UBN2: variants seen among roughly 807,000 people sequenced by gnomAD.
The protein encoded by UBN2 is ubinuclein 2.
UBN2 carries 35 observed loss-of-function variants against 120.2 expected under a neutral mutation model. The observed-to-expected ratio is 0.29, with a 90% confidence interval of 0.22 to 0.39. The LOEUF is 0.39. Ranked by LOEUF, UBN2 falls within the 10% of genes least tolerant of loss-of-function variation. The pLI is 1.00. For synonymous variants in UBN2, 661 were observed against 648.7 expected, an observed-to-expected ratio of 1.02 and a Z score of -0.29; for missense variants, 1,693 against 1,663.2, an observed-to-expected ratio of 1.02 and a Z score of -0.31.
At chr7:139,252,628 G>T (rs1320377167) in intron 3 of UBN2, among the ~76,000 whole-genome samples, 1 of 152,144 alleles carries the variant, frequency 6.6e-6, no homozygotes, top group African/African-American at 2.4e-5. Flanking sequence ...ATGGTTTGCT[G>T]ACTCTGTACA....
At position 139,284,183 on chromosome 7, in the gene UBN2, G is replaced by T. The variant is rs1797707509; in HGVS notation, c.3278G>T (p.Ser1093Ile). 1 of 1,614,068 alleles carries T rather than the reference G, an allele frequency of 6.2e-7. No homozygotes were observed. Among genetic ancestry groups the T allele is most frequent in the African/African-American group, 1.3e-5 (1 of 75,006 alleles). ...CCTACTGTATCCCCAAGTAGTTCCA[G>T]TCCAAATGCACTAGTTGCCCAGGGT... ...PKPTVSPSSSSPNALVAQGSH... is the reference protein window; with the variant it reads ...PKPTVSPSSSIPNALVAQGSH... Residue 1093 changes from serine to isoleucine, a missense_variant, in exon 15 of 18, where the codon AGT (serine) becomes ATT (isoleucine). Physicochemically the swap from Ser to Ile is moderately radical, Grantham distance 142. Coordinates refer to ENST00000473989, the MANE Select transcript of UBN2 (RefSeq NM_173569.4).
In UBN2 at chr7:139,231,821, G is replaced by A. The variant is rs1252720345; in HGVS notation, c.337G>A (p.Ala113Thr). 10 of 1,472,676 alleles carry A rather than the reference G, an allele frequency of 6.8e-6. No homozygotes were observed. In the African/African-American group the frequency reaches 1.0e-4, roughly 15 times the overall value. The allele number at this position is 1,472,676 out of a possible 1,614,324, so 91.2% of individuals were successfully genotyped here. Residue 113 changes from alanine (A) to threonine (T), a missense_variant, in exon 1 of 18, where the codon GCT (alanine) becomes ACT (threonine). Around this residue, in one of 5 missense-constraint regions of UBN2, gnomAD observed 663 missense variants for 591.2 expected, o/e 1.12. Transcript: ENST00000473989. ...PLQPPPPRES[A>T]SRAEQPPRPP... The stretch of plus-strand genomic sequence containing the variant: ...GCAGCCGCCCCCGCCGCGGGAGTCG[G>A]CTTCCCGGGCTGAGCAGCCGCCGCG...
intron 1 of UBN2, among the ~76,000 whole-genome samples, chr7:139,234,789 T>C (rs995833485): frequency 5.3e-5 from 8 of 152,244 alleles, no homozygotes; most frequent in African/African-American, 1.7e-4. Flanking sequence ...TGATTAAGTG[T>C]GTTAATGTAA....
At chr7:139,268,114 C>T (rs913720338) in intron 7 of UBN2, among the ~76,000 whole-genome samples, 1 of 152,166 alleles carries the variant, frequency 6.6e-6, no homozygotes, top group Non-Finnish European at 1.5e-5. Flanking sequence ...GTCAAAAGAC[C>T]ATCCTTGGGA....
intron 3 of UBN2, among the ~76,000 whole-genome samples, chr7:139,256,134 T>A (rs1041307024): frequency 2.6e-5 from 4 of 152,172 alleles, no homozygotes; most frequent in Non-Finnish European, 5.9e-5. Flanking sequence ...AAGAGTGTAT[T>A]CCTCTGAAGA....
At chr7:139,286,603 C>T (rs1465501132) in intron 15 of UBN2, among the ~76,000 whole-genome samples, 2 of 151,532 alleles carry the variant, frequency 1.3e-5, no homozygotes, top group Non-Finnish European at 2.9e-5. Flanking sequence ...AGACTTTTTT[C>T]AACAAAATGT....
Position 139,283,944 on chromosome 7 carries a change from T to C in UBN2, c.3039T>C (p.Tyr1013=). ...CTAGCACCACTACCTCCAGTAACTA[T>C]TTAGCCAAGGCTATGGTGTCACAGA... The part of the protein sequence containing the change: ...TVPSTTTSSN[Y]LAKAMVSQIS... The change falls in exon 15 of 18, where the codon TAT becomes TAC. Residue 1013 remains tyrosine (Y), a synonymous_variant. Transcript: ENST00000473989. 3 of 1,614,078 alleles carry C rather than the reference T, an allele frequency of 1.9e-6. No individual in the cohort carries two copies. The highest frequency in any genetic ancestry group is 2.5e-6 in the Non-Finnish European group (3 of 1,180,012).
chr7:139,279,192 G>A, intron 12 of UBN2, 126 bp from the exon 13 acceptor site: 4 of 740,134 alleles, frequency 5.4e-6, no homozygotes, highest in East Asian at 2.6e-5. Flanking sequence ...ACTTAAATAC[G>A]GTTCCTTCAA....
chr7:139,269,645 TAGGA>T, intron 8 of UBN2, 122 bp downstream of exon 8: 12 of 1,050,138 alleles, frequency 1.1e-5, no homozygotes, highest in Admixed American at 3.1e-5. Context: ...TTAATAACCA[TAGGA>T]GGTTATTAAA....
At chr7:139,281,898 G>A in intron 13 of UBN2, 107 bp from the exon 14 acceptor site, 6 of 961,914 alleles carry the variant, frequency 6.2e-6, no homozygotes, top group Non-Finnish European at 9.8e-6. Context: ...ACTTCCAATT[G>A]GTAGTGAGGT....
chr7:139,275,971 T>C, intron 11 of UBN2, 126 bp from the exon 12 acceptor site: 1 of 738,500 alleles, frequency 1.4e-6, no homozygotes, highest in East Asian at 2.8e-5. Flanking sequence ...ACTGTACCAT[T>C]ATAACTTTTA....
At chr7:139,240,856 T>G (rs1796301846) in intron 2 of UBN2, among the ~76,000 whole-genome samples, 1 of 152,230 alleles carries the variant, frequency 6.6e-6, no homozygotes, top group African/African-American at 2.4e-5. Flanking sequence ...AGTACCTATT[T>G]TTACCTAGAT....
rs1244195698 is a variant in UBN2 at position 139,269,475 on chromosome 7, TAAAG to T, written c.1552_1555del (p.Glu518HisfsTer2). 1.2e-6 allele frequency: 2 copies of T among 1,614,004 alleles called. No homozygotes were observed. Among genetic ancestry groups the T allele is most frequent in the Admixed American group, 1.7e-5 (1 of 60,002 alleles). ...ACCTTGAAGCTTTTGTGCCATGCAA[TAAAG>T]AAACACTAGTAAAACGTCTGAAGAA... On this transcript the variant is annotated frameshift_variant, in exon 8 of 18. Transcript: ENST00000473989. LOFTEE classifies it high-confidence loss of function.
At chr7:139,293,597 G>A in intron 16 of UBN2, 134 bp downstream of exon 16, 1 of 768,774 alleles carries the variant, frequency 1.3e-6, no homozygotes. Context: ...TTTAAGAAAT[G>A]CAGTTTATAT....
rs1584982337 is a variant in UBN2, at chr7:139,236,362, A to G, written c.469-643A>G. On this transcript the variant is annotated intron_variant, in intron 1 of 17. Coordinates refer to ENST00000473989, the MANE Select transcript of UBN2 (RefSeq NM_173569.4). The stretch of plus-strand genomic sequence containing the variant: ...CTGAATGGATATCCATTGACAGAAT[A>G]TTGGTGATACAATGGTTGTTGATAT... Among the ~76,000 whole-genome samples the G allele has an allele frequency of 3.3e-5, 5 of 152,374 alleles. No individual in the cohort carries two copies. The South Asian group carries it at 8.3e-4, about 25-fold the overall frequency.
rs113685525 is a variant in UBN2 at position 139,254,860 on chromosome 7, C to T, written c.663+2803C>T. Among the ~76,000 whole-genome samples, 389 of 152,268 alleles carry T rather than the reference C, an allele frequency of 2.6e-3. 1 individual carries two copies. The highest frequency in any genetic ancestry group is 4.1e-3 in the Non-Finnish European group (277 of 68,012). On this transcript the variant is annotated intron_variant, in intron 3 of 17. Transcript: ENST00000473989. ...ACAGAGTTTCCATGAACACCTTGCC[C>T]GCATGCACACACTGCCTTCCCCCGC...
At chr7:139,313,445 G>C in the UBN2 span, among the ~76,000 whole-genome samples, 2 of 151,954 alleles carry the variant, frequency 1.3e-5, no homozygotes, top group African/African-American at 4.8e-5. Context: ...ATTTTATATC[G>C]AGCAATTTTG....
chr7:139,284,572 C>G lies in UBN2; in HGVS notation c.3667C>G (p.Gln1223Glu). The G allele has an allele frequency of 6.2e-7, 1 of 1,606,820 alleles. No homozygotes were observed. Among genetic ancestry groups the G allele is most frequent in the Non-Finnish European group, 8.5e-7 (1 of 1,177,074 alleles). ...GTCTTCAGTGGTAACAGCCAGTGTGCAGGTATGTATGTTCTGTACGTCCAT... is the reference window on the plus strand; with the variant it reads ...GTCTTCAGTGGTAACAGCCAGTGTGGAGGTATGTATGTTCTGTACGTCCAT... ...SGSSVVTASV[Q>E]STAGASLLAN... Residue 1223 changes from glutamine to glutamate, a missense_variant and splice_region_variant, in exon 15 of 18, where the codon CAG becomes GAG. Physicochemically the swap from Gln to Glu is conservative, Grantham distance 29. Around this residue, in one of 5 missense-constraint regions of UBN2, gnomAD observed 837 missense variants for 817.6 expected, o/e 1.02. Coordinates refer to ENST00000473989, the MANE Select transcript of UBN2 (RefSeq NM_173569.4).
downstream of UBN2, among the ~76,000 whole-genome samples, chr7:139,311,863 T>C (rs547099111): frequency 6.6e-6 from 1 of 152,178 alleles, no homozygotes; most frequent in African/African-American, 2.4e-5. Context: ...CTTACAGATA[T>C]TTGGTTTAGA....
Sources: allele counts gnomAD v4.1 joint callset (sites outside exome capture counted in the v4.1 genomes callset), GRCh38; gene constraint gnomAD v4.1.1; regional missense constraint gnomAD v4.1.1; transcripts MANE v1.5; gene names NCBI Gene and HGNC (gene_info 2026-07-23, HGNC 2026-07-21).